The following RANGAP1 variants were observed in gnomAD, a reference collection of about 807,000 sequenced individuals.
RANGAP1 encodes the protein Ran GTPase activating protein 1, also known as ran GTPase-activating protein 1.
In RANGAP1, 38 loss-of-function variants were observed where a neutral mutation model predicts 63.5. That is an observed-to-expected ratio of 0.60 (90% CI 0.46 to 0.78). The LOEUF is 0.78. RANGAP1 is among the 30% of genes least tolerant of loss of function. The pLI is 0.00. For missense variants in RANGAP1, 630 were observed against 740.3 expected (o/e 0.85, Z 1.73); for synonymous variants, 329 against 310.5 (o/e 1.06, Z -0.63).
intron 12 of RANGAP1, among the ~76,000 whole-genome samples, chr22:41,252,409 G>T (rs1299609253): frequency 6.6e-6 from 1 of 152,176 alleles, no homozygotes; most frequent in Non-Finnish European, 1.5e-5. Context: ...GCAGTGCCTG[G>T]CAGAAAATGG....
the RANGAP1 span, among the ~76,000 whole-genome samples, chr22:41,291,793 C>T: frequency 6.8e-6 from 1 of 147,120 alleles, no homozygotes; most frequent in East Asian, 2.1e-4. Flanking sequence ...CCCAGCTACT[C>T]GGGAGGCTGA....
chr22:41,247,346 C>T (rs565265525), intron 15 of RANGAP1, among the ~76,000 whole-genome samples: 62 of 152,114 alleles, frequency 4.1e-4, no homozygotes, highest in Admixed American at 2.8e-3. Context: ...TGAGCCACCG[C>T]GCCAGGCTGG....
intron 4 of RANGAP1, among the ~76,000 whole-genome samples, chr22:41,265,659 G>A (rs1424582193): frequency 6.6e-6 from 1 of 152,144 alleles, no homozygotes; most frequent in East Asian, 1.9e-4. Flanking sequence ...AGCTCTCCTG[G>A]AAACCTCCTG....
chr22:41,253,928 C>T lies in RANGAP1; in HGVS notation c.1260+380G>A, dbSNP rs190653237. ...TTCAAGACCAGCCTGGCCAATATGG[C>T]GAAACCCCGGCTCTACTAAAGATAC... On this transcript the variant is annotated intron_variant, in intron 11 of 15. Coordinates refer to ENST00000356244, the MANE Select transcript of RANGAP1 (RefSeq NM_002883.4). Among the ~76,000 whole-genome samples the T allele has an allele frequency of 4.1e-4, 63 of 151,870 alleles. 2 individuals carry two copies. The East Asian group carries it at 0.011, about 27-fold the overall frequency.
rs570153142 is a variant in RANGAP1 at position 41,245,314 on chromosome 22, T to G, written c.*1289A>C. Reference sequence around the variant, plus strand: ...AGGTTGGCTGGGCTGTCCTCACATATGTGGCAGTGGAGCAAAGGATCCCAA... The same window carrying G: ...AGGTTGGCTGGGCTGTCCTCACATAGGTGGCAGTGGAGCAAAGGATCCCAA... On this transcript the variant is annotated 3_prime_UTR_variant, in exon 16 of 16. Coordinates refer to ENST00000356244, the MANE Select transcript of RANGAP1 (RefSeq NM_002883.4). Among the ~76,000 whole-genome samples, 1 of 152,152 alleles carries G rather than the reference T, an allele frequency of 6.6e-6. No individual in the cohort carries two copies. Among genetic ancestry groups the G allele is most frequent in the African/African-American group, 2.4e-5 (1 of 41,440 alleles).
the RANGAP1 span, among the ~76,000 whole-genome samples, chr22:41,298,663 C>A: frequency 2.0e-5 from 3 of 151,964 alleles, no homozygotes; most frequent in African/African-American, 7.2e-5. Context: ...CCACGCCCGG[C>A]CAATTTTTTG....
At chr22:41,274,316 T>C (rs950447950) in intron 3 of RANGAP1, among the ~76,000 whole-genome samples, 4 of 152,218 alleles carry the variant, frequency 2.6e-5, no homozygotes, top group African/African-American at 4.8e-5. Flanking sequence ...CCACCTCACA[T>C]GTGACAGCTC....
intron 2 of RANGAP1, chr22:41,280,560 A>C: frequency 1.1e-6 from 1 of 888,326 alleles, no homozygotes; most frequent in Non-Finnish European, 1.6e-6. Flanking sequence ...AGCTGCAGCT[A>C]TTCCCAGGCC....
chr22:41,290,156 AAAAGAG>A (rs1402848933), upstream of RANGAP1, among the ~76,000 whole-genome samples: 461 of 150,562 alleles, frequency 3.1e-3, 3 homozygotes, highest in African/African-American at 9.9e-3. Context: ...AGAAAAAAAA[AAAAGAG>A]AGAGAGAGAG....
chr22:41,296,351 A>T, the RANGAP1 span, among the ~76,000 whole-genome samples: 1 of 152,160 alleles, frequency 6.6e-6, no homozygotes, highest in Non-Finnish European at 1.5e-5. Context: ...AAAAACAAAC[A>T]AACAAACAAA....
At chr22:41,287,626 T>C (rs930942904), upstream of RANGAP1, among the ~76,000 whole-genome samples, 1 of 151,750 alleles carries the variant, frequency 6.6e-6, no homozygotes, top group Non-Finnish European at 1.5e-5. Context: ...CACCACTGCA[T>C]TTCAGCCCTG....
chr22:41,291,888 G>A, the RANGAP1 span, among the ~76,000 whole-genome samples: 4 of 151,374 alleles, frequency 2.6e-5, no homozygotes, highest in Middle Eastern at 3.2e-3. Flanking sequence ...GCGACAGAGC[G>A]AGACTCTGTC....
At chr22:41,299,898 C>T in the RANGAP1 span, among the ~76,000 whole-genome samples, 13 of 152,140 alleles carry the variant, frequency 8.5e-5, no homozygotes, top group African/African-American at 3.1e-4. Flanking sequence ...ACTACAGGCT[C>T]CCGACACCAC....
intron 5 of RANGAP1, 67 bp from the exon 6 acceptor site, chr22:41,261,647 C>A: frequency 1.9e-6 from 3 of 1,596,808 alleles, no homozygotes; most frequent in Non-Finnish European, 2.6e-6. Flanking sequence ...GTGGCCACTG[C>A]TGCTGAACTG....
At chr22:41,250,939 G>C in intron 13 of RANGAP1, 68 bp downstream of exon 13, 4 of 1,346,918 alleles carry the variant, frequency 3.0e-6, no homozygotes, top group Non-Finnish European at 3.2e-6. Context: ...CGGCAACCAC[G>C]AAGGATACCT....
chr22:41,246,666 G>A lies in RANGAP1; in HGVS notation c.1701C>T (p.Asn567=), dbSNP rs2033055330. The A allele has an allele frequency of 5.8e-6, 9 of 1,563,130 alleles. No homozygotes were observed. Among genetic ancestry groups the A allele is most frequent in the African/African-American group, 2.7e-5 (2 of 73,914 alleles). ...PLLLAFVTKP[N]SALESCSFAR... is the part of the protein sequence containing the mutation. ...CGAAGGAGCAGGATTCCAGGGCGCT[G>A]TTGGGCCTGCGGGGAAAGAGGGGTC... Residue 567 remains asparagine (N), a synonymous_variant, in exon 16 of 16, where the codon AAC becomes AAT. Transcript: ENST00000356244.
upstream of RANGAP1, among the ~76,000 whole-genome samples, chr22:41,286,600 C>T (rs192838363): frequency 6.6e-6 from 1 of 152,354 alleles, no homozygotes; most frequent in Admixed American, 6.5e-5. Context: ...CACAGGTATC[C>T]ATTTCCCGAA....
chr22:41,274,794 T>A (rs928187518), intron 2 of RANGAP1, 67 bp from the exon 3 acceptor site: 102 of 1,594,694 alleles, frequency 6.4e-5, no homozygotes, highest in Non-Finnish European at 8.5e-5. Context: ...AGGAGAGAGG[T>A]TGGCAACCAC....
chr22:41,263,377 T>C (rs1334955618), intron 5 of RANGAP1, among the ~76,000 whole-genome samples: 1 of 150,980 alleles, frequency 6.6e-6, no homozygotes, highest in African/African-American at 2.5e-5. Flanking sequence ...TGTTTCTGTT[T>C]GTTTGTTTGT....
Sources: allele counts gnomAD v4.1 joint callset (sites outside exome capture counted in the v4.1 genomes callset), GRCh38; gene constraint gnomAD v4.1.1; transcripts MANE v1.5; gene names NCBI Gene and HGNC (gene_info 2026-07-23, HGNC 2026-07-21).